TBC1D30: variants seen among roughly 807,000 people sequenced by gnomAD.
The protein encoded by TBC1D30 is TBC1 domain family member 30.
In TBC1D30, 31 loss-of-function variants were observed where a neutral mutation model predicts 63.2. The ratio of observed to expected loss-of-function variants is 0.49; its 90% confidence interval spans 0.37 to 0.66. TBC1D30 has a LOEUF of 0.66. TBC1D30 is among the 30% of genes least tolerant of loss of function. TBC1D30 has a pLI of 0.00. For synonymous variants in TBC1D30, 307 were observed against 361.5 expected (o/e 0.85, Z 1.71); for missense variants, 810 against 953.6 (o/e 0.85, Z 1.98).
intron 1 of TBC1D30, among the ~76,000 whole-genome samples, chr12:64,764,845 A>G (rs894346556): frequency 3.3e-5 from 5 of 152,230 alleles, no homozygotes; most frequent in African/African-American, 1.2e-4. Flanking sequence ...AGGGTGAAAC[A>G]CCACCAGAAG....
At chr12:64,780,937 G>A in exon 1 of TBC1D30, 1 of 1,055,592 alleles carries the variant, frequency 9.5e-7, no homozygotes, top group Non-Finnish European at 1.2e-6. Context: ...CCCCAGCCCC[G>A]CGCCTCCGGG....
chr12:64,875,367 G>T lies in TBC1D30; in HGVS notation c.1865G>T (p.Gly622Val). The stretch of plus-strand genomic sequence containing the variant: ...TGTACAGCGACAGCTGGGAGAGAAG[G>T]CAGCAGCCCTGAAGGCAGTACCAGG... ...SGCTATAGREGSSPEGSTRRT... is the reference protein window; with the variant it reads ...SGCTATAGREVSSPEGSTRRT... The change falls in exon 12 of 12, where the codon GGC (glycine) becomes GTC (valine). Residue 622 changes from glycine (G) to valine (V), a missense_variant. Physicochemically the swap from Gly to Val is moderately radical, Grantham distance 109. This residue lies in a region of TBC1D30 where 450 missense variants were observed against 473.0 expected (regional missense o/e 0.95). Coordinates refer to ENST00000539867, the MANE Select transcript of TBC1D30 (RefSeq NM_015279.2). 2 of 1,536,246 alleles carry T rather than the reference G, an allele frequency of 1.3e-6. No homozygotes were observed. The highest frequency in any genetic ancestry group is 1.7e-6 in the Non-Finnish European group (2 of 1,146,928).
At chr12:64,850,277 C>T (rs1006804535) in intron 8 of TBC1D30, among the ~76,000 whole-genome samples, 10 of 152,114 alleles carry the variant, frequency 6.6e-5, no homozygotes, top group South Asian at 4.1e-4. Context: ...TTTTTCTTGC[C>T]TGATTGCCCT....
chr12:64,860,206 T>C lies in TBC1D30; in HGVS notation c.1039-4462T>C, dbSNP rs528994418. ...CTAATTTTTAAATTTTTTGTAGAGA[T>C]GGGGTTTCACCATGTTGCCCAGGCT... On this transcript the variant is annotated intron_variant, in intron 8 of 11. Transcript: ENST00000539867. Among the ~76,000 whole-genome samples, 368 of 151,928 alleles carry C rather than the reference T, an allele frequency of 2.4e-3. 2 individuals are homozygous for C. The highest frequency in any genetic ancestry group is 6.3e-3 in the African/African-American group (263 of 41,420).
rs866337695 is a variant in TBC1D30 at position 64,876,593 on chromosome 12, G to A, written c.*805G>A. 5.7e-6 allele frequency: 2 copies of A among 349,406 alleles called. No homozygotes were observed. The highest frequency in any genetic ancestry group is 1.1e-5 in the Non-Finnish European group (2 of 176,006). The allele number at this position is 349,406 out of a possible 1,614,324, so 21.6% of individuals were successfully genotyped here. On this transcript the variant is annotated 3_prime_UTR_variant, in exon 12 of 12. Coordinates refer to ENST00000539867, the MANE Select transcript of TBC1D30 (RefSeq NM_015279.2). ...TCCTCAGTGGTACGGATGACTTGATGGGCTCCATGCGGAGCCTGGCCTGCA... is the reference window on the plus strand; with the variant it reads ...TCCTCAGTGGTACGGATGACTTGATAGGCTCCATGCGGAGCCTGGCCTGCA...
At chr12:64,828,833 A>C (rs963841287) in intron 3 of TBC1D30, among the ~76,000 whole-genome samples, 2 of 152,138 alleles carry the variant, frequency 1.3e-5, no homozygotes, top group Non-Finnish European at 2.9e-5. Flanking sequence ...TTTAGGAGAA[A>C]AGGGGTAAGG....
At chr12:64,843,271 A>T (rs921285239) in intron 7 of TBC1D30, 109 bp from the exon 8 acceptor site, 1 of 941,512 alleles carries the variant, frequency 1.1e-6, no homozygotes, top group Non-Finnish European at 1.6e-6. Flanking sequence ...CTGGGATTAT[A>T]GGCATGAGCC....
Position 64,825,213 on chromosome 12 carries a change from A to G in TBC1D30, c.154+180A>G, listed in dbSNP as rs536975027. On this transcript the variant is annotated intron_variant, in intron 1 of 11. Coordinates refer to ENST00000539867, the MANE Select transcript of TBC1D30 (RefSeq NM_015279.2). ...ATTGGTCTGGAAGGGTAGAGGGCAG[A>G]CGGGGGCCTGGGTGGGGCAGCGGCC... is the stretch of plus-strand genomic sequence containing the variant. Among the ~76,000 whole-genome samples the G allele has an allele frequency of 2.0e-5, 3 of 152,322 alleles. No individual in the cohort carries two copies. The East Asian group carries it at 5.8e-4, about 30-fold the overall frequency.
chr12:64,834,360 A>G (rs1373069950), intron 5 of TBC1D30, among the ~76,000 whole-genome samples: 1 of 150,822 alleles, frequency 6.6e-6, no homozygotes, highest in African/African-American at 2.4e-5. Flanking sequence ...TTCATTTTCA[A>G]CCTTTTGTTA....
chr12:64,827,807 A>C, intron 1 of TBC1D30, 28 bp from the exon 2 acceptor site: 1 of 1,458,832 alleles, frequency 6.9e-7, no homozygotes, highest in Non-Finnish European at 9.2e-7. Flanking sequence ...CTCCAAAAAT[A>C]ACATCTATTT....
At chr12:64,764,039 A>G (rs758102855) in intron 1 of TBC1D30, among the ~76,000 whole-genome samples, 2 of 152,214 alleles carry the variant, frequency 1.3e-5, no homozygotes, top group African/African-American at 2.4e-5. Flanking sequence ...TTAAAATAAC[A>G]ATCTTGTTTT....
exon 1 of TBC1D30, chr12:64,759,504 G>A (rs1664990818): frequency 2.0e-6 from 1 of 508,650 alleles, no homozygotes. Flanking sequence ...GCGGACTGGC[G>A]CAGCCTGGAG....
At chr12:64,849,533 C>T (rs1413102685) in intron 8 of TBC1D30, among the ~76,000 whole-genome samples, 1 of 152,120 alleles carries the variant, frequency 6.6e-6, no homozygotes, top group African/African-American at 2.4e-5. Context: ...ATAGGGAATC[C>T]TTTCCCCATT....
At chr12:64,780,447 G>T (rs1871205419), upstream of TBC1D30, among the ~76,000 whole-genome samples, 1 of 152,254 alleles carries the variant, frequency 6.6e-6, no homozygotes, top group African/African-American at 2.4e-5. Flanking sequence ...AAAAGTGAAG[G>T]TGGCGGCGGC....
At chr12:64,781,828 ACGGTTCCAGGCAGCT>A (rs1053018774) in intron 1 of TBC1D30, among the ~76,000 whole-genome samples, 1 of 151,688 alleles carries the variant, frequency 6.6e-6, no homozygotes. Context: ...GCCAGAGCGT[ACGGTTCCAGGCAGCT>A]CACTAGGAAT....
At chr12:64,793,356 T>C (rs995434201) in intron 2 of TBC1D30, among the ~76,000 whole-genome samples, 1 of 150,178 alleles carries the variant, frequency 6.7e-6, no homozygotes, top group Non-Finnish European at 1.5e-5. Context: ...AAATAAAAAA[T>C]AAAAATAGGC....
At chr12:64,836,358 T>G (rs1875350709) in intron 5 of TBC1D30, 132 bp from the exon 6 acceptor site, 1 of 661,336 alleles carries the variant, frequency 1.5e-6, no homozygotes, top group Non-Finnish European at 2.5e-6. Context: ...GAACATTTGG[T>G]ACTGATGCAT....
Position 64,836,535 on chromosome 12 carries a change from G to A in TBC1D30, c.640G>A (p.Val214Ile), listed in dbSNP as rs574681444. ...TAAGGTACTTCCCGAAAGCTATTTC[G>A]TCAATAATCTCCGGGCATTGTCTGT... ...IDKVLPESYF[V>I]NNLRALSVDM... is the part of the protein sequence containing the mutation. The change falls in exon 6 of 12, where the codon GTC becomes ATC. Residue 214 changes from valine to isoleucine, a missense_variant. Coordinates refer to ENST00000539867, the MANE Select transcript of TBC1D30 (RefSeq NM_015279.2). 107 of 1,535,474 alleles carry A rather than the reference G, an allele frequency of 7.0e-5. No individual in the cohort carries two copies. Among genetic ancestry groups the A allele is most frequent in the Middle Eastern group, 3.3e-4 (2 of 6,012 alleles).
In TBC1D30 at chr12:64,870,590, C is replaced by T. The variant is rs772333673; in HGVS notation, c.1292-12C>T. 1 of 1,535,658 alleles carries T rather than the reference C, an allele frequency of 6.5e-7. No homozygotes were observed. Among genetic ancestry groups the T allele is most frequent in the Non-Finnish European group, 8.7e-7 (1 of 1,146,470 alleles). ...ACCGACCATCTCCTTATGTCTCATC[C>T]TTCGAGCGCAGAGCCAAATGAGGAG... On this transcript the variant is annotated splice_polypyrimidine_tract_variant and intron_variant, in intron 10 of 11. Transcript: ENST00000539867.
Sources: gnomAD v4.1 joint callset for allele counts (sites outside exome capture counted in the v4.1 genomes callset) on GRCh38, gnomAD v4.1.1 for gene constraint, gnomAD v4.1.1 regional missense constraint, MANE v1.5 for transcripts, NCBI Gene and HGNC (gene_info 2026-07-23, HGNC 2026-07-21) for gene names.